Variants in ATG10 observed in about 807,000 individuals in gnomAD.
ATG10 encodes the protein ubiquitin-like-conjugating enzyme ATG10.
ATG10 carries 30 observed loss-of-function variants against 32.1 expected under a neutral mutation model. That is an observed-to-expected ratio of 0.94 (90% CI 0.70 to 1.27). The LOEUF (loss-of-function observed/expected upper bound fraction) is 1.27. ATG10 is among the 50% of genes most tolerant of loss of function. The pLI, the probability that ATG10 is intolerant of heterozygous loss-of-function variation, is 0.00. For missense variants in ATG10, 233 were observed against 262.3 expected, an observed-to-expected ratio of 0.89 and a Z score of 0.77; for synonymous variants, 87 against 91.5, an observed-to-expected ratio of 0.95 and a Z score of 0.28.
intron 4 of ATG10, among the ~76,000 whole-genome samples, chr5:82,176,232 G>A (rs1744015514): frequency 6.6e-6 from 1 of 152,122 alleles, no homozygotes; most frequent in African/African-American, 2.4e-5. Flanking sequence ...GTAAATATTT[G>A]TAAAGCATTT....
At chr5:82,242,770 C>T in intron 5 of ATG10, 1 of 413,080 alleles carries the variant, frequency 2.4e-6, no homozygotes, top group South Asian at 1.8e-5. Context: ...AAAGCATTCA[C>T]AGGATTGGAC....
chr5:82,009,786 G>A (rs1762078514), intron 2 of ATG10: 14 of 1,607,192 alleles, frequency 8.7e-6, no homozygotes, highest in Non-Finnish European at 1.2e-5. Flanking sequence ...GTTGGGTCCA[G>A]CATTTGCCAT....
intron 3 of ATG10, among the ~76,000 whole-genome samples, chr5:82,162,133 A>G (rs1236058762): frequency 6.6e-6 from 1 of 152,142 alleles, no homozygotes; most frequent in African/African-American, 2.4e-5. Flanking sequence ...TATGGTGCAG[A>G]CATATATATT....
chr5:82,090,691 G>A (rs72776861), intron 3 of ATG10, among the ~76,000 whole-genome samples: 12,480 of 152,052 alleles, frequency 0.082, 766 homozygotes, highest in African/African-American at 0.18. Context: ...CACTGTATCA[G>A]TGTATCAGTG....
chr5:82,244,501 G>A (rs895695463), intron 5 of ATG10, among the ~76,000 whole-genome samples: 2 of 152,192 alleles, frequency 1.3e-5, no homozygotes, highest in African/African-American at 4.8e-5. Context: ...TGATACTGCA[G>A]ATGCTGGGTA....
At chr5:82,173,055 T>C (rs956216357) in intron 4 of ATG10, among the ~76,000 whole-genome samples, 3 of 152,198 alleles carry the variant, frequency 2.0e-5, no homozygotes, top group African/African-American at 7.2e-5. Flanking sequence ...TTTTTTGTTG[T>C]GAAAAATCTA....
intron 3 of ATG10, among the ~76,000 whole-genome samples, chr5:82,142,095 G>A (rs143517259): frequency 6.6e-6 from 1 of 152,326 alleles, no homozygotes; most frequent in East Asian, 1.9e-4. Flanking sequence ...CACAGATGAA[G>A]CAGTGAGAAA....
At chr5:82,181,281 A>G (rs887710061) in intron 5 of ATG10, among the ~76,000 whole-genome samples, 1 of 152,120 alleles carries the variant, frequency 6.6e-6, no homozygotes, top group African/African-American at 2.4e-5. Flanking sequence ...TTCTAATAAC[A>G]ATGTTTATTT....
At chr5:82,092,427 AC>A (rs766278021) in intron 3 of ATG10, among the ~76,000 whole-genome samples, 2 of 152,180 alleles carry the variant, frequency 1.3e-5, no homozygotes, top group Non-Finnish European at 2.9e-5. Flanking sequence ...TATATAACAA[AC>A]CATCTCAAAG....
chr5:82,248,637 A>G (rs1233477717), intron 5 of ATG10, among the ~76,000 whole-genome samples: 1 of 152,112 alleles, frequency 6.6e-6, no homozygotes, highest in Non-Finnish European at 1.5e-5. Context: ...TCATTTTTAT[A>G]TTTAATTTCT....
At position 82,121,026 on chromosome 5, in the gene ATG10, A is replaced by T. The variant is rs546145479; in HGVS notation, c.217-43373A>T. Among the ~76,000 whole-genome samples the T allele has an allele frequency of 3.3e-5, 5 of 152,322 alleles. No individual in the cohort carries two copies. The South Asian group carries it at 1.0e-3, about 32-fold the overall frequency. On this transcript the variant is annotated intron_variant, in intron 3 of 7. Transcript: ENST00000282185. ...TGAGTGAAATGATAAAACTATATTC[A>T]GTAATATGGGATTCAGTAACCCTAC...
At chr5:82,191,145 G>A (rs1267205383) in intron 5 of ATG10, among the ~76,000 whole-genome samples, 1 of 152,172 alleles carries the variant, frequency 6.6e-6, no homozygotes, top group Non-Finnish European at 1.5e-5. Flanking sequence ...GTTACAGTCT[G>A]ATGTCAACCA....
At chr5:82,017,293 C>T (rs1303478170) in intron 2 of ATG10, among the ~76,000 whole-genome samples, 1 of 152,012 alleles carries the variant, frequency 6.6e-6, no homozygotes, top group Non-Finnish European at 1.5e-5. Context: ...AATTCATTTA[C>T]CAGTTCTAGG....
At chr5:82,200,387 AAT>A (rs1745019058) in intron 5 of ATG10, among the ~76,000 whole-genome samples, 1 of 150,770 alleles carries the variant, frequency 6.6e-6, no homozygotes, top group Non-Finnish European at 1.5e-5. Flanking sequence ...AATGATGTTG[AAT>A]ATCTTTTCAT....
rs149953613 is a variant in ATG10 at position 82,109,471 on chromosome 5, G to A, written c.216+50869G>A. On this transcript the variant is annotated intron_variant, in intron 3 of 7. Transcript: ENST00000282185. ...CTGAAATCTGTGAACTCTTAACTTTGATATCCAAGAGAGTTGTTTGTGGAT... is the reference window on the plus strand; with the variant it reads ...CTGAAATCTGTGAACTCTTAACTTTAATATCCAAGAGAGTTGTTTGTGGAT... Among the ~76,000 whole-genome samples the A allele has an allele frequency of 1.9e-4, 29 of 152,068 alleles. No homozygotes were observed. The East Asian group carries it at 5.4e-3, about 28-fold the overall frequency.
chr5:81,997,430 C>T (rs1406838956), intron 2 of ATG10, among the ~76,000 whole-genome samples: 1 of 152,144 alleles, frequency 6.6e-6, no homozygotes, highest in East Asian at 1.9e-4. Context: ...AACATCAGGC[C>T]ACACAGGTGA....
intron 3 of ATG10, among the ~76,000 whole-genome samples, chr5:82,118,298 T>TTGTG (rs375478173): frequency 4.3e-4 from 61 of 140,498 alleles, no homozygotes; most frequent in Middle Eastern, 3.6e-3. Flanking sequence ...AGTGTCTTTC[T>TTGTG]TGTGTGTGTG....
Position 82,107,420 on chromosome 5 carries a change from A to T in ATG10, c.216+48818A>T, listed in dbSNP as rs1320906456. Among the ~76,000 whole-genome samples the T allele has an allele frequency of 3.3e-5, 5 of 152,150 alleles. No individual in the cohort carries two copies. In the East Asian group the frequency reaches 9.7e-4, roughly 29 times the overall value. On this transcript the variant is annotated intron_variant, in intron 3 of 7. Coordinates refer to ENST00000282185, the MANE Select transcript of ATG10 (RefSeq NM_031482.5). ...TAAAGGGAGCAGCTAAGCTGAATTG[A>T]TGTTTACTTCTTTGTGGTGTTATTG...
At chr5:82,122,491 C>T (rs1486373693) in intron 3 of ATG10, among the ~76,000 whole-genome samples, 1 of 152,102 alleles carries the variant, frequency 6.6e-6, no homozygotes, top group Non-Finnish European at 1.5e-5. Flanking sequence ...GCAATTGCAA[C>T]AAAAGCAAGA....
Sources: allele counts gnomAD v4.1 joint callset (sites outside exome capture counted in the v4.1 genomes callset), GRCh38; gene constraint gnomAD v4.1.1; transcripts MANE v1.5; gene names NCBI Gene and HGNC (gene_info 2026-07-23, HGNC 2026-07-21).